The following GPC6 variants were observed in gnomAD, a reference collection of about 807,000 sequenced individuals.
GPC6 encodes the protein glypican-6.
In GPC6, 14 loss-of-function variants were observed where a neutral mutation model predicts 55.2. The observed-to-expected ratio is 0.25, with a 90% confidence interval of 0.17 to 0.40. GPC6 has a LOEUF of 0.40. GPC6 is among the 10% of genes least tolerant of loss of function. GPC6 has a pLI of 1.00. For synonymous variants in GPC6, 278 were observed against 259.6 expected (o/e 1.07, Z -0.68); for missense variants, 641 against 708.5 (o/e 0.90, Z 1.08).
At chr13:93,537,820 G>C (rs984394781) in intron 1 of GPC6, among the ~76,000 whole-genome samples, 2 of 152,074 alleles carry the variant, frequency 1.3e-5, no homozygotes, top group Non-Finnish European at 2.9e-5. Flanking sequence ...TTAGTAAGTG[G>C]TAAGGTCAAA....
At chr13:94,227,299 G>T (rs988651133) in intron 4 of GPC6, among the ~76,000 whole-genome samples, 1 of 152,172 alleles carries the variant, frequency 6.6e-6, no homozygotes, top group Non-Finnish European at 1.5e-5. Flanking sequence ...AAAGAAGAGC[G>T]TTAGTGTCTG....
chr13:93,588,089 A>T (rs868847479), intron 2 of GPC6, among the ~76,000 whole-genome samples: 2 of 152,202 alleles, frequency 1.3e-5, no homozygotes, highest in African/African-American at 2.4e-5. Flanking sequence ...GAGATGAAGA[A>T]GATGAGTCTC....
chr13:94,159,616 G>C (rs977373310), intron 4 of GPC6, among the ~76,000 whole-genome samples: 2 of 152,092 alleles, frequency 1.3e-5, no homozygotes, highest in Admixed American at 1.3e-4. Context: ...ACAATTCAAG[G>C]TGAGATTTGG....
chr13:93,398,305 C>G (rs1875939323), intron 1 of GPC6, among the ~76,000 whole-genome samples: 1 of 152,198 alleles, frequency 6.6e-6, no homozygotes, highest in South Asian at 2.1e-4. Context: ...TAAGGAGTCA[C>G]ATTTGGATCT....
chr13:94,019,993 T>G (rs1244674894), intron 3 of GPC6, among the ~76,000 whole-genome samples: 4 of 152,204 alleles, frequency 2.6e-5, no homozygotes, highest in Non-Finnish European at 5.9e-5. Context: ...CTTTCTCTGC[T>G]GTTTCTCTAT....
At chr13:93,569,992 C>T (rs969093699) in intron 2 of GPC6, among the ~76,000 whole-genome samples, 6 of 151,428 alleles carry the variant, frequency 4.0e-5, no homozygotes, top group Admixed American at 1.3e-4. Flanking sequence ...AATCTCTTGA[C>T]TATCTTAAGA....
In GPC6 at chr13:94,403,385, G is replaced by A. The variant is rs556781128; in HGVS notation, c.*168G>A. The A allele has an allele frequency of 3.5e-5, 24 of 681,332 alleles. No homozygotes were observed. The highest frequency in any genetic ancestry group is 3.9e-4 in the Middle Eastern group (1 of 2,594). 42.2% of individuals were successfully genotyped at this position (681,332 alleles called of 1,614,324 possible). A position where few individuals can be genotyped will look rare whatever the true frequency, so the allele number is the denominator to read the frequency against. On this transcript the variant is annotated 3_prime_UTR_variant, in exon 9 of 9. Coordinates refer to ENST00000377047, the MANE Select transcript of GPC6 (RefSeq NM_005708.5). The stretch of plus-strand genomic sequence containing the variant: ...CCTTTTTGTTTTCCCAAAGAGTACC[G>A]GGTGCCAGACTGAACTGCTTCCTCT...
chr13:93,764,810 T>G (rs2138882190), intron 2 of GPC6, among the ~76,000 whole-genome samples: 1 of 152,224 alleles, frequency 6.6e-6, no homozygotes, highest in Non-Finnish European at 1.5e-5. Context: ...ATTTATTTAT[T>G]TATTTTTTAG....
At chr13:94,218,696 C>T (rs1890293280) in intron 4 of GPC6, among the ~76,000 whole-genome samples, 1 of 152,120 alleles carries the variant, frequency 6.6e-6, no homozygotes, top group African/African-American at 2.4e-5. Flanking sequence ...CATCTAGAAG[C>T]TCAGTGTGCC....
At chr13:93,867,246 T>C (rs527526242) in intron 3 of GPC6, among the ~76,000 whole-genome samples, 1 of 151,920 alleles carries the variant, frequency 6.6e-6, no homozygotes, top group African/African-American at 2.4e-5. Context: ...AAACTCTTTG[T>C]AGAAAACTTG....
chr13:93,626,373 C>T (rs1176660155), intron 2 of GPC6, among the ~76,000 whole-genome samples: 1 of 152,218 alleles, frequency 6.6e-6, no homozygotes, highest in Non-Finnish European at 1.5e-5. Flanking sequence ...ATGGAGCCAG[C>T]TCTCCCTCAA....
At chr13:93,813,635 T>A (rs1391718770) in intron 2 of GPC6, among the ~76,000 whole-genome samples, 2 of 152,048 alleles carry the variant, frequency 1.3e-5, no homozygotes, top group Non-Finnish European at 1.5e-5. Context: ...TTGAGGAAAA[T>A]GGGATGACCA....
At chr13:94,218,933 T>A (rs547822348) in intron 4 of GPC6, among the ~76,000 whole-genome samples, 22 of 152,310 alleles carry the variant, frequency 1.4e-4, no homozygotes, top group Non-Finnish European at 3.1e-4. Flanking sequence ...GGAAGACACC[T>A]GGAGAAACGC....
At chr13:93,629,042 A>AAAC in intron 2 of GPC6, among the ~76,000 whole-genome samples, 1 of 117,844 alleles carries the variant, frequency 8.5e-6, no homozygotes, top group Admixed American at 8.3e-5. Context: ...GCCAGAAAAA[A>AAAC]AAAAAACAAA....
chr13:93,828,138 A>G (rs56261266), intron 2 of GPC6, among the ~76,000 whole-genome samples: 4,444 of 152,162 alleles, frequency 0.029, 80 homozygotes, highest in South Asian at 0.064. Context: ...CAACAAAATA[A>G]TTGACCTCAA....
At chr13:93,745,007 G>T (rs1010274391) in intron 2 of GPC6, among the ~76,000 whole-genome samples, 3 of 151,314 alleles carry the variant, frequency 2.0e-5, no homozygotes, top group Non-Finnish European at 1.5e-5. Context: ...CCTCCACAGT[G>T]GGGGAACATA....
intron 4 of GPC6, among the ~76,000 whole-genome samples, chr13:94,068,245 G>T (rs1419174262): frequency 4.6e-5 from 7 of 152,150 alleles, no homozygotes; most frequent in Non-Finnish European, 1.0e-4. Flanking sequence ...GAGAGTTTGT[G>T]TAGGGAAACT....
chr13:93,402,194 T>A (rs922338958), intron 1 of GPC6, among the ~76,000 whole-genome samples: 2 of 152,314 alleles, frequency 1.3e-5, no homozygotes, highest in Admixed American at 1.3e-4. Context: ...AATGCAAGTA[T>A]GTATGGAACC....
At position 93,830,517 on chromosome 13, in the gene GPC6, G is replaced by T. The variant is rs1887444230; in HGVS notation, c.683G>T (p.Gly228Val). 1.2e-6 allele frequency: 2 copies of T among 1,612,512 alleles called. No homozygotes were observed. Among genetic ancestry groups the T allele is most frequent in the African/African-American group, 2.7e-5 (2 of 74,520 alleles). The change falls in exon 3 of 9, where the codon GGC (glycine) becomes GTC (valine). Residue 228 changes from glycine to valine, a missense_variant. Coordinates refer to ENST00000377047, the MANE Select transcript of GPC6 (RefSeq NM_005708.5). ...ARTFVQGLTV[G>V]REVANRVSKV... ...ACCTTTGTCCAGGGGCTGACTGTGGGCAGAGAAGTTGCAAACCGAGTTTCC... is the reference window on the plus strand; with the variant it reads ...ACCTTTGTCCAGGGGCTGACTGTGGTCAGAGAAGTTGCAAACCGAGTTTCC...
Sources: allele counts gnomAD v4.1 joint callset (sites outside exome capture counted in the v4.1 genomes callset), GRCh38; gene constraint gnomAD v4.1.1; transcripts MANE v1.5; gene names NCBI Gene and HGNC (gene_info 2026-07-23, HGNC 2026-07-21).